LARP4B: variants seen among roughly 807,000 people sequenced by gnomAD.
LARP4B encodes the protein La ribonucleoprotein 4B.
Under a neutral mutation model 89.8 loss-of-function variants are expected in LARP4B, and 12 were observed. The observed-to-expected ratio is 0.13, with a 90% CI of 0.09 to 0.22. LARP4B has a LOEUF of 0.22. Among genes scored for constraint, LARP4B ranks in the 10% least tolerant of loss-of-function variants. The pLI is 1.00. For missense variants in LARP4B, 757 were observed against 947.7 expected (o/e 0.80, Z 2.64); for synonymous variants, 367 against 363.3 (o/e 1.01, Z -0.12).
intron 1 of LARP4B, among the ~76,000 whole-genome samples, chr10:898,447 A>C (rs572119580): frequency 2.6e-4 from 40 of 152,384 alleles, no homozygotes; most frequent in African/African-American, 9.4e-4. Flanking sequence ...GAATTTTCAA[A>C]GCAACATTAT....
At chr10:839,775 C>G (rs1025508694) in intron 7 of LARP4B, among the ~76,000 whole-genome samples, 3 of 152,168 alleles carry the variant, frequency 2.0e-5, no homozygotes, top group African/African-American at 4.8e-5. Context: ...ACCACACAAT[C>G]CAGACATTCC....
chr10:972,366 C>T, the LARP4B span: 1 of 412,344 alleles, frequency 2.4e-6, no homozygotes, highest in Non-Finnish European at 4.7e-6. Flanking sequence ...CAGGGGAAGG[C>T]CCTCACCAGA....
At chr10:848,011 A>G (rs1456778308) in intron 5 of LARP4B, among the ~76,000 whole-genome samples, 2 of 152,222 alleles carry the variant, frequency 1.3e-5, no homozygotes, top group Admixed American at 6.5e-5. Flanking sequence ...GGAGCTCCAG[A>G]GAACCACAGG....
chr10:895,835 C>G (rs1273044098), intron 1 of LARP4B, among the ~76,000 whole-genome samples: 1 of 152,034 alleles, frequency 6.6e-6, no homozygotes, highest in African/African-American at 2.4e-5. Context: ...TACGTAAAAA[C>G]AAGAAACTAG....
intron 1 of LARP4B, among the ~76,000 whole-genome samples, chr10:929,202 G>C (rs1279403744): frequency 6.6e-6 from 1 of 151,818 alleles, no homozygotes; most frequent in Non-Finnish European, 1.5e-5. Flanking sequence ...TCTCTGCCCA[G>C]ATACATGTGT....
At chr10:813,946 T>G (rs1831879215) in intron 17 of LARP4B, among the ~76,000 whole-genome samples, 1 of 151,736 alleles carries the variant, frequency 6.6e-6, no homozygotes, top group Non-Finnish European at 1.5e-5. Context: ...GGACTACAGG[T>G]GCCCACCACC....
chr10:882,609 G>A (rs576851237), intron 3 of LARP4B, among the ~76,000 whole-genome samples: 222 of 152,196 alleles, frequency 1.5e-3, no homozygotes, highest in Non-Finnish European at 2.8e-3. Context: ...GGATGGTCTC[G>A]ATCTCAGGGA....
intron 5 of LARP4B, among the ~76,000 whole-genome samples, chr10:846,506 C>T (rs1427598542): frequency 6.6e-6 from 1 of 152,072 alleles, no homozygotes; most frequent in African/African-American, 2.4e-5. Flanking sequence ...CAAGGTGGGG[C>T]CTCTCAAGGG....
chr10:961,711 G>A, the LARP4B span, among the ~76,000 whole-genome samples: 6 of 152,156 alleles, frequency 3.9e-5, no homozygotes, highest in African/African-American at 1.2e-4. Context: ...GAGAGGAGAC[G>A]AGAGAGAGGG....
chr10:875,834 A>T (rs983098137), intron 3 of LARP4B, among the ~76,000 whole-genome samples: 1 of 152,188 alleles, frequency 6.6e-6, no homozygotes, highest in East Asian at 1.9e-4. Context: ...TGGGGGACAC[A>T]TGAAAAACAC....
intron 1 of LARP4B, among the ~76,000 whole-genome samples, chr10:930,979 G>T (rs1180327739): frequency 6.7e-6 from 1 of 149,936 alleles, no homozygotes; most frequent in Non-Finnish European, 1.5e-5. Context: ...CCCCGCCCAG[G>T]CCCTGCCCGA....
intron 1 of LARP4B, among the ~76,000 whole-genome samples, chr10:919,336 C>T (rs991284202): frequency 1.3e-5 from 2 of 151,992 alleles, no homozygotes; most frequent in African/African-American, 2.4e-5. Flanking sequence ...GTGCATGGGT[C>T]GTTCAGTGGT....
At chr10:844,927 T>C in intron 6 of LARP4B, 50 bp downstream of exon 6, 1 of 1,348,170 alleles carries the variant, frequency 7.4e-7, no homozygotes, top group East Asian at 2.3e-5. Context: ...TTTAACTATT[T>C]GCACAATACT....
intron 1 of LARP4B, among the ~76,000 whole-genome samples, chr10:909,293 CAAA>C (rs56787174): frequency 4.9e-5 from 4 of 80,848 alleles, no homozygotes; most frequent in Admixed American, 1.2e-4. Context: ...GACTCCGTCT[CAAA>C]AAAAAAAAAA....
At chr10:863,226 AT>A (rs774627981) in intron 5 of LARP4B, among the ~76,000 whole-genome samples, 347 of 109,106 alleles carry the variant, frequency 3.2e-3, no homozygotes, top group South Asian at 9.6e-3. Flanking sequence ...AATAGGTTTC[AT>A]TTTTTTTTTT....
At chr10:930,350 A>G (rs1366002042) in intron 1 of LARP4B, among the ~76,000 whole-genome samples, 1 of 152,192 alleles carries the variant, frequency 6.6e-6, no homozygotes, top group African/African-American at 2.4e-5. Context: ...CTGTCAAGGA[A>G]AACCTTCCTG....
At position 810,956 on chromosome 10, in the gene LARP4B, C is replaced by CA. The variant is rs1423241891; in HGVS notation, c.*1969dup. 1.3e-5 allele frequency: 2 copies of CA among 152,218 alleles called. No individual in the cohort carries two copies. Among genetic ancestry groups the CA allele is most frequent in the Non-Finnish European group, 2.9e-5 (2 of 68,034 alleles). The allele number at this position is 152,218 out of a possible 1,614,324, so 9.4% of individuals were successfully genotyped here. A position where few individuals can be genotyped will look rare whatever the true frequency, so the allele number is the denominator to read the frequency against. ...CATGTTTTCCTCTGGCAGGGTCAAT[C>CA]ATGCTTAGCTGCAGGTGATTTAAAT... On this transcript the variant is annotated 3_prime_UTR_variant, in exon 18 of 18. Transcript: ENST00000316157.
intron 1 of LARP4B, among the ~76,000 whole-genome samples, chr10:919,049 C>T (rs1836909183): frequency 1.3e-5 from 2 of 152,126 alleles, no homozygotes; most frequent in Admixed American, 6.6e-5. Flanking sequence ...CCACTGCACT[C>T]CAGCCTGGGC....
At chr10:875,262 G>GTC (rs1213835873) in intron 3 of LARP4B, among the ~76,000 whole-genome samples, 1 of 152,084 alleles carries the variant, frequency 6.6e-6, no homozygotes, top group Admixed American at 6.6e-5. Context: ...TAACCTCTTT[G>GTC]TCTCAGTTTT....
Sources: gnomAD v4.1 joint callset for allele counts (sites outside exome capture counted in the v4.1 genomes callset) on GRCh38, gnomAD v4.1.1 for gene constraint, MANE v1.5 for transcripts, NCBI Gene and HGNC (gene_info 2026-07-23, HGNC 2026-07-21) for gene names.